The following GSE1 variants were observed in gnomAD, a reference collection of about 807,000 sequenced individuals.
The protein encoded by GSE1 is genetic suppressor element 1.
In GSE1, 32 loss-of-function variants were observed where a neutral mutation model predicts 112.6. That is an observed-to-expected ratio of 0.28 (90% confidence interval 0.21 to 0.38). The LOEUF (loss-of-function observed/expected upper bound fraction) is 0.38, where lower values mean the gene tolerates loss of function less well. Among genes scored for constraint, GSE1 ranks in the 10% least tolerant of loss-of-function variants. The probability of loss-of-function intolerance (pLI) is 1.00; values close to 1 mark genes in which losing one functional copy is unlikely to be tolerated. For synonymous variants in GSE1, 1,115 were observed against 735.6 expected (o/e 1.52, Z -8.35); for missense variants, 2,348 against 1,699.2 (o/e 1.38, Z -6.71).
intron 11 of GSE1, among the ~76,000 whole-genome samples, chr16:85,664,242 C>A (rs2052656683): frequency 6.6e-6 from 1 of 152,252 alleles, no homozygotes; most frequent in Non-Finnish European, 1.5e-5. Context: ...TGTTGACGTT[C>A]CTGGCCCTGC....
chr16:85,170,420 G>C (rs1354679202), exon 1 of GSE1: 6 of 985,576 alleles, frequency 6.1e-6, no homozygotes, highest in Non-Finnish European at 4.8e-6. Flanking sequence ...CCCTCTGGCA[G>C]AGCCACTAAG....
rs149814709 is a variant in GSE1 at position 85,617,211 on chromosome 16, C to G, written c.7+3813C>G. Among the ~76,000 whole-genome samples the G allele has an allele frequency of 6.2e-3, 938 of 152,340 alleles. 10 individuals are homozygous for G. Among genetic ancestry groups the G allele is most frequent in the African/African-American group, 0.022 (904 of 41,574 alleles). ...CTCGCATCCATACTCCCATGCCCAC[C>G]CCGTGTCTGGAATCAGAAGTTCAGA... On this transcript the variant is annotated intron_variant, in intron 1 of 15. Transcript: ENST00000253458.
At chr16:85,624,405 G>A (rs767181290) in intron 1 of GSE1, among the ~76,000 whole-genome samples, 2 of 152,222 alleles carry the variant, frequency 1.3e-5, no homozygotes, top group Non-Finnish European at 2.9e-5. Context: ...GCTGAGAGCT[G>A]TGGGAAAGTG....
intron 1 of GSE1, among the ~76,000 whole-genome samples, chr16:85,206,851 C>G (rs1250617268): frequency 6.6e-6 from 1 of 151,252 alleles, no homozygotes; most frequent in Non-Finnish European, 1.5e-5. Flanking sequence ...GCCCCCTCCA[C>G]AAGCCCCCCC....
intron 1 of GSE1, among the ~76,000 whole-genome samples, chr16:85,217,031 C>T (rs933393805): frequency 2.6e-5 from 4 of 152,200 alleles, no homozygotes; most frequent in African/African-American, 7.2e-5. Context: ...GCCGTAGAGG[C>T]GAGTGGCTTG....
At chr16:85,413,125 C>A (rs1477440690) in intron 2 of GSE1, among the ~76,000 whole-genome samples, 1 of 152,180 alleles carries the variant, frequency 6.6e-6, no homozygotes, top group African/African-American at 2.4e-5. Context: ...CGCCCTTTTC[C>A]ATTTTGAAGC....
chr16:85,407,301 C>G (rs1445417374), intron 2 of GSE1, among the ~76,000 whole-genome samples: 144 of 10,810 alleles, frequency 0.013, no homozygotes, highest in Non-Finnish European at 0.021. Context: ...TACACTCAGG[C>G]CCCCCGGATA....
At chr16:85,556,652 C>T (rs1216116846) in intron 1 of GSE1, among the ~76,000 whole-genome samples, 2 of 149,306 alleles carry the variant, frequency 1.3e-5, no homozygotes, top group African/African-American at 4.9e-5. Flanking sequence ...TCCGCCGCGG[C>T]GGCGGAGCGA....
At chr16:85,375,470 C>G (rs1235570951) in intron 2 of GSE1, among the ~76,000 whole-genome samples, 11 of 152,218 alleles carry the variant, frequency 7.2e-5, no homozygotes, top group Admixed American at 7.2e-4. Flanking sequence ...CAGCGGGTGT[C>G]ACAAAGAGCC....
At chr16:85,490,667 C>G (rs1353598080) in intron 2 of GSE1, 1 of 152,224 alleles carries the variant, frequency 6.6e-6, no homozygotes, top group East Asian at 1.9e-4. Flanking sequence ...CGACTTTGAT[C>G]CCAGGGCGGG....
intron 1 of GSE1, among the ~76,000 whole-genome samples, chr16:85,615,624 C>T (rs2048325367): frequency 1.3e-5 from 2 of 152,158 alleles, no homozygotes; most frequent in African/African-American, 2.4e-5. Flanking sequence ...TCGGGAAGTC[C>T]TAGTTCTAGG....
chr16:85,643,512 C>T (rs2050615008), intron 2 of GSE1, among the ~76,000 whole-genome samples: 1 of 152,012 alleles, frequency 6.6e-6, no homozygotes, highest in South Asian at 2.1e-4. Flanking sequence ...CTTTCTTCCT[C>T]ACCCACTGGT....
At chr16:85,566,778 G>A (rs879565768) in intron 1 of GSE1, among the ~76,000 whole-genome samples, 5 of 152,320 alleles carry the variant, frequency 3.3e-5, no homozygotes, top group Non-Finnish European at 5.9e-5. Context: ...TGTGTCAACC[G>A]TTTGCTGGTT....
chr16:85,220,012 C>G (rs1045219926), intron 1 of GSE1, among the ~76,000 whole-genome samples: 11 of 152,216 alleles, frequency 7.2e-5, no homozygotes, highest in East Asian at 5.8e-4. Flanking sequence ...GGTGGGCGCT[C>G]CCTTCTCCCA....
chr16:85,296,946 T>A (rs1296945230), intron 1 of GSE1, among the ~76,000 whole-genome samples: 1 of 152,180 alleles, frequency 6.6e-6, no homozygotes, highest in Non-Finnish European at 1.5e-5. Context: ...CCCCCGGCGC[T>A]TCCCCGGCCA....
In GSE1 at chr16:85,504,344, G is replaced by A. The variant is rs371003914; in HGVS notation, c.2465-129570G>A. Among the ~76,000 whole-genome samples, 5 of 152,240 alleles carry A rather than the reference G, an allele frequency of 3.3e-5. No individual in the cohort carries two copies. The East Asian group carries it at 5.8e-4, about 18-fold the overall frequency. ...GCCACACACTTTCCCCTTAGAGGCA[G>A]AATTGTGGAGCCCTGATCTGGAAAG... On this transcript the variant is annotated intron_variant, in intron 2 of 2. Coordinates refer to the GSE1 transcript ENST00000637419.
intron 2 of GSE1, among the ~76,000 whole-genome samples, chr16:85,423,108 C>T (rs2048889526): frequency 6.6e-6 from 1 of 152,234 alleles, no homozygotes; most frequent in South Asian, 2.1e-4. Context: ...AGAGTCAGCT[C>T]CCCAGGAACC....
chr16:85,610,975 C>T (rs895163380), upstream of GSE1, among the ~76,000 whole-genome samples: 6 of 152,228 alleles, frequency 3.9e-5, no homozygotes, highest in African/African-American at 1.2e-4. Flanking sequence ...GGTTGGCCGT[C>T]GTGGTCCTGC....
At position 85,419,754 on chromosome 16, in the gene GSE1, C is replaced by T. The variant is rs934414759; in HGVS notation, c.2464+62111C>T. ...CTAAAAACCCCTCTGATGCCTGCCTCCCCCGCCCCGCCCCCACCCCTCCAA... is the reference window on the plus strand; with the variant it reads ...CTAAAAACCCCTCTGATGCCTGCCTTCCCCGCCCCGCCCCCACCCCTCCAA... On this transcript the variant is annotated intron_variant, in intron 2 of 2. Transcript: ENST00000637419. The surrounding 1 kb of genome is among the most constrained non-coding windows in gnomAD (Gnocchi z 6.5). Among the ~76,000 whole-genome samples the T allele has an allele frequency of 7.2e-4, 109 of 151,880 alleles. 2 individuals carry two copies. The highest frequency in any genetic ancestry group is 2.5e-4 in the Non-Finnish European group (17 of 67,956).
Sources: gnomAD v4.1 joint callset for allele counts (sites outside exome capture counted in the v4.1 genomes callset) on GRCh38, gnomAD v4.1.1 for gene constraint, Gnocchi (gnomAD v3.1) non-coding constraint, MANE v1.5 for transcripts, NCBI Gene and HGNC (gene_info 2026-07-23, HGNC 2026-07-21) for gene names.